Variants in LRRK1 observed in about 807,000 individuals in gnomAD.
LRRK1 encodes the protein leucine rich repeat kinase 1.
A neutral mutation model predicts 209.1 loss-of-function variants in LRRK1; 113 were observed. The observed-to-expected ratio is 0.54, with a 90% CI of 0.46 to 0.63. The LOEUF is 0.63. Ranked by LOEUF, LRRK1 falls within the 30% of genes least tolerant of loss-of-function variation. The probability of loss-of-function intolerance (pLI) is 0.00; values close to 1 mark genes in which losing one functional copy is unlikely to be tolerated. For missense variants in LRRK1, 2,284 were observed against 2,632.2 expected, an observed-to-expected ratio of 0.87 and a Z score of 2.89; for synonymous variants, 1,144 against 1,099.7, an observed-to-expected ratio of 1.04 and a Z score of -0.80.
At chr15:100,971,771 T>C in intron 2 of LRRK1, among the ~76,000 whole-genome samples, 1 of 152,134 alleles carries the variant, frequency 6.6e-6, no homozygotes. Flanking sequence ...CTGTTCGTCC[T>C]CCCTGCTCCG....
chr15:100,975,046 T>C (rs1472126545), intron 3 of LRRK1, among the ~76,000 whole-genome samples: 3 of 152,190 alleles, frequency 2.0e-5, no homozygotes, highest in Admixed American at 6.5e-5. Flanking sequence ...ACAGCATGCT[T>C]GGGAATTGTT....
chr15:100,988,352 C>T (rs531708145), intron 4 of LRRK1, among the ~76,000 whole-genome samples: 1 of 152,230 alleles, frequency 6.6e-6, no homozygotes, highest in Non-Finnish European at 1.5e-5. Flanking sequence ...TTTGTGTCCA[C>T]GTGCATTCAA....
intron 6 of LRRK1, among the ~76,000 whole-genome samples, chr15:101,001,007 C>T (rs188890634): frequency 2.6e-5 from 4 of 152,320 alleles, no homozygotes; most frequent in Admixed American, 1.3e-4. Flanking sequence ...TTTTCAATGC[C>T]TCCTTTCTCC....
At chr15:101,003,990 C>G (rs547039764) in intron 6 of LRRK1, among the ~76,000 whole-genome samples, 1 of 152,290 alleles carries the variant, frequency 6.6e-6, no homozygotes, top group Non-Finnish European at 1.5e-5. Context: ...TTGTGGTCCC[C>G]AAAACCCTTC....
At chr15:100,988,299 T>C (rs895991664) in intron 4 of LRRK1, among the ~76,000 whole-genome samples, 1 of 151,838 alleles carries the variant, frequency 6.6e-6, no homozygotes, top group African/African-American at 2.4e-5. Flanking sequence ...CCCTTTTCCC[T>C]CCCTCCACCA....
At chr15:101,047,165 T>C (rs1212482821) in intron 21 of LRRK1, among the ~76,000 whole-genome samples, 1 of 152,218 alleles carries the variant, frequency 6.6e-6, no homozygotes, top group Admixed American at 6.5e-5. Flanking sequence ...ACATCCTAAT[T>C]AGAAAGCCCT....
chr15:100,956,165 T>G (rs1328696207), intron 2 of LRRK1, among the ~76,000 whole-genome samples: 2 of 152,154 alleles, frequency 1.3e-5, no homozygotes, highest in East Asian at 3.8e-4. Context: ...CTCAGTCTCT[T>G]TACTCATTAT....
intron 15 of LRRK1, among the ~76,000 whole-genome samples, chr15:101,023,904 C>CA (rs938303601): frequency 2.6e-5 from 4 of 152,216 alleles, no homozygotes; most frequent in African/African-American, 9.6e-5. Flanking sequence ...AGGTTCTCTC[C>CA]AGGAACCAGA....
At chr15:100,972,334 A>ATG (rs1555462629) in intron 2 of LRRK1, among the ~76,000 whole-genome samples, 6 of 102,300 alleles carry the variant, frequency 5.9e-5, no homozygotes, top group Non-Finnish European at 9.7e-5. Flanking sequence ...ATATATATAT[A>ATG]TGAGAGAGAG....
At chr15:101,039,329 G>A (rs1011619211) in intron 20 of LRRK1, among the ~76,000 whole-genome samples, 2 of 152,006 alleles carry the variant, frequency 1.3e-5, no homozygotes, top group African/African-American at 4.8e-5. Flanking sequence ...TGCATCTTTT[G>A]TTAAATTTGT....
Position 101,053,364 on chromosome 15 carries a change from C to A in LRRK1, c.3998C>A (p.Ala1333Asp). ...IGISIHPLCFALELAPLSSLN... is the reference protein window; with the variant it reads ...IGISIHPLCFDLELAPLSSLN... ...ATCAGCATCCACCCGCTCTGCTTCG[C>A]CCTGGAGCTCGCGCCGCTCAGCAGC... Residue 1333 changes from alanine (A) to aspartate (D), a missense_variant, in exon 26 of 34, where the codon GCC (alanine) becomes GAC (aspartate). Around this residue, in one of 6 missense-constraint regions of LRRK1, gnomAD observed 780 missense variants for 985.2 expected, o/e 0.79. Coordinates refer to ENST00000388948, the MANE Select transcript of LRRK1 (RefSeq NM_024652.6). The A allele has an allele frequency of 6.2e-7, 1 of 1,601,826 alleles. No individual in the cohort carries two copies. Among genetic ancestry groups the A allele is most frequent in the Non-Finnish European group, 8.5e-7 (1 of 1,179,832 alleles).
Position 101,073,376 on chromosome 15 carries a change from G to A in LRRK1, c.*4528G>A, listed in dbSNP as rs1158001749. The A allele has an allele frequency of 1.3e-5, 2 of 152,222 alleles. No individual in the cohort carries two copies. 9.4% of individuals were successfully genotyped at this position (152,222 alleles called of 1,614,324 possible). A position where few individuals can be genotyped will look rare whatever the true frequency, so the allele number is the denominator to read the frequency against. The stretch of plus-strand genomic sequence containing the variant: ...AGACCACGCAGGGACGCCTGCCTTG[G>A]TCCTTCACCCTTAGCGGCAAGTCCC... On this transcript the variant is annotated 3_prime_UTR_variant, in exon 34 of 34. Transcript: ENST00000388948.
intron 2 of LRRK1, among the ~76,000 whole-genome samples, chr15:100,955,563 C>T (rs1360623584): frequency 6.6e-6 from 1 of 152,152 alleles, no homozygotes; most frequent in Non-Finnish European, 1.5e-5. Flanking sequence ...TTGTCTTGTT[C>T]CTGATCTTGG....
At chr15:101,021,214 TCTG>T in intron 13 of LRRK1, 32 bp downstream of exon 13, 1 of 1,612,286 alleles carries the variant, frequency 6.2e-7, no homozygotes, top group Non-Finnish European at 8.5e-7. Context: ...CCGTGCTGGC[TCTG>T]CTGGCCCAGA....
chr15:101,030,030 C>T (rs1391064303), intron 20 of LRRK1, among the ~76,000 whole-genome samples: 1 of 152,188 alleles, frequency 6.6e-6, no homozygotes, highest in East Asian at 1.9e-4. Flanking sequence ...CATATAGTAG[C>T]TGATCATTGC....
rs913344060 is a variant in LRRK1 at position 101,075,902 on chromosome 15, C to T, written c.*7054C>T. 6.6e-6 allele frequency: 1 copy of T among 152,220 alleles called. No individual in the cohort carries two copies. Among genetic ancestry groups the T allele is most frequent in the African/African-American group, 2.4e-5 (1 of 41,414 alleles). 9.4% of individuals were successfully genotyped at this position (152,220 alleles called of 1,614,324 possible). A position where few individuals can be genotyped will look rare whatever the true frequency, so the allele number is the denominator to read the frequency against. ...AGCAAATTACCTGGGCTGTACTGCC[C>T]CAAAGCTTCACAGACAGCCCCCATT... On this transcript the variant is annotated 3_prime_UTR_variant, in exon 34 of 34. Coordinates refer to ENST00000388948, the MANE Select transcript of LRRK1 (RefSeq NM_024652.6).
Position 101,068,720 on chromosome 15 carries a change from T to G in LRRK1, c.5920T>G (p.Phe1974Val), listed in dbSNP as rs1183697480. 6.2e-7 allele frequency: 1 copy of G among 1,613,280 alleles called. No individual in the cohort carries two copies. Among genetic ancestry groups the G allele is most frequent in the East Asian group, 2.2e-5 (1 of 44,858 alleles). The change falls in exon 34 of 34, where the codon TTT (phenylalanine) becomes GTT (valine). Residue 1974 changes from phenylalanine (F) to valine (V), a missense_variant. By Grantham distance (50) the Phe-to-Val change is conservative. Transcript: ENST00000388948. Reference sequence around the variant, plus strand: ...GGCAAAGGACACTGTTGTGTGCACCTTTGAAAATGAAAACACAGAGTGGTG... The same window carrying G: ...GGCAAAGGACACTGTTGTGTGCACCGTTGAAAATGAAAACACAGAGTGGTG... ...VVAKDTVVCT[F>V]ENENTEWCLA...
chr15:100,995,921 A>G (rs2032384796), intron 6 of LRRK1, among the ~76,000 whole-genome samples: 1 of 152,278 alleles, frequency 6.6e-6, no homozygotes, highest in Non-Finnish European at 1.5e-5. Context: ...TGTTTGGATC[A>G]GTTCCGGCAT....
chr15:100,938,693 T>C (rs557077247), intron 2 of LRRK1, among the ~76,000 whole-genome samples: 1 of 152,276 alleles, frequency 6.6e-6, no homozygotes, highest in Non-Finnish European at 1.5e-5. Flanking sequence ...AAAATACATT[T>C]AACATACGTT....
Sources: gnomAD v4.1 joint callset for allele counts (sites outside exome capture counted in the v4.1 genomes callset) on GRCh38, gnomAD v4.1.1 for gene constraint, gnomAD v4.1.1 regional missense constraint, MANE v1.5 for transcripts, NCBI Gene and HGNC (gene_info 2026-07-23, HGNC 2026-07-21) for gene names.